LMNB1: variants seen among roughly 807,000 people sequenced by gnomAD.
LMNB1 encodes lamin-B1.
LMNB1 carries 23 observed loss-of-function variants against 67.1 expected under a neutral mutation model. That is an observed-to-expected ratio of 0.34 (90% CI 0.25 to 0.49). The LOEUF is 0.49. Among genes scored for constraint, LMNB1 ranks in the 20% least tolerant of loss-of-function variants. LMNB1 has a pLI of 0.99. For missense variants in LMNB1, 634 were observed against 746.5 expected, an observed-to-expected ratio of 0.85 and a Z score of 1.76; for synonymous variants, 281 against 282.9, an observed-to-expected ratio of 0.99 and a Z score of 0.07.
At chr5:126,832,873 G>C (rs377470766) in intron 10 of LMNB1, 72 bp downstream of exon 10, 1 of 854,700 alleles carries the variant, frequency 1.2e-6, no homozygotes, top group Non-Finnish European at 1.6e-6. Context: ...CAAGAGTGTG[G>C]TTGGGTTTTT....
intron 1 of LMNB1, among the ~76,000 whole-genome samples, chr5:126,778,701 A>G (rs1247355038): frequency 2.0e-5 from 3 of 152,122 alleles, no homozygotes; most frequent in Non-Finnish European, 4.4e-5. Flanking sequence ...CCCCTCAGGC[A>G]GCGGCCCTCT....
At chr5:126,820,484 G>A (rs1265650617) in intron 6 of LMNB1, among the ~76,000 whole-genome samples, 1 of 152,158 alleles carries the variant, frequency 6.6e-6, no homozygotes, top group Non-Finnish European at 1.5e-5. Context: ...CAGATTGTAA[G>A]TAATATTTTG....
intron 1 of LMNB1, among the ~76,000 whole-genome samples, chr5:126,778,653 A>G (rs1225330139): frequency 6.6e-6 from 1 of 152,122 alleles, no homozygotes; most frequent in Non-Finnish European, 1.5e-5. Context: ...GGGTTTGTGC[A>G]TGTCACGGCT....
intron 9 of LMNB1, among the ~76,000 whole-genome samples, chr5:126,829,618 A>G (rs541580761): frequency 7.2e-5 from 11 of 151,906 alleles, no homozygotes; most frequent in African/African-American, 2.4e-4. Context: ...AGAATGGACA[A>G]TCCAGCCCAC....
At chr5:126,815,706 T>C (rs1169230132) in intron 5 of LMNB1, among the ~76,000 whole-genome samples, 1 of 152,188 alleles carries the variant, frequency 6.6e-6, no homozygotes, top group African/African-American at 2.4e-5. Context: ...AGCTTGCTTA[T>C]AGCCTCATAG....
chr5:126,785,228 C>T (rs559374859), intron 1 of LMNB1, among the ~76,000 whole-genome samples: 2 of 151,604 alleles, frequency 1.3e-5, no homozygotes, highest in Admixed American at 6.6e-5. Context: ...CCTCGTGATC[C>T]GCCCGCCTTG....
intron 3 of LMNB1, among the ~76,000 whole-genome samples, chr5:126,805,980 G>C (rs1452097303): frequency 2.0e-5 from 3 of 152,102 alleles, no homozygotes; most frequent in Non-Finnish European, 4.4e-5. Context: ...TTTTGAGACG[G>C]AGTCTTGCTC....
chr5:126,780,945 T>A (rs1019360542), intron 1 of LMNB1, among the ~76,000 whole-genome samples: 6 of 152,202 alleles, frequency 3.9e-5, no homozygotes, highest in African/African-American at 1.4e-4. Context: ...CTTTCTTCCC[T>A]AGAGTTCTCT....
At chr5:126,799,451 C>G (rs1751208215) in intron 1 of LMNB1, among the ~76,000 whole-genome samples, 1 of 152,208 alleles carries the variant, frequency 6.6e-6, no homozygotes. Context: ...CCCTGAGCTC[C>G]CAGTGCAGGT....
upstream of LMNB1, chr5:126,777,121 C>T (rs913292671): frequency 6.0e-5 from 10 of 165,554 alleles, no homozygotes; most frequent in African/African-American, 1.9e-4. Flanking sequence ...CCCGGCCCTC[C>T]TCCCCCCGCC....
In LMNB1 at chr5:126,800,977, A is replaced by AATTTTTTTTTT. The variant is rs1481273764; in HGVS notation, c.360-3799_360-3798insATTTTTTTTTT. Among the ~76,000 whole-genome samples the AATTTTTTTTTT allele has an allele frequency of 4.9e-3, 187 of 38,204 alleles. 5 individuals are homozygous for AATTTTTTTTTT. The highest frequency in any genetic ancestry group is 0.037 in the Middle Eastern group (2 of 54). The allele number at this position is 38,204 out of a possible 152,430, so 25.1% of individuals were successfully genotyped here. A position where few individuals can be genotyped will look rare whatever the true frequency, so the allele number is the denominator to read the frequency against. On this transcript the variant is annotated intron_variant, in intron 1 of 10. Coordinates refer to ENST00000261366, the MANE Select transcript of LMNB1 (RefSeq NM_005573.4). ...TATATATATATATATATATATATAT[A>AATTTTTTTTTT]TATAATTTTTTTTTTTTTTTTTTGG... is the stretch of plus-strand genomic sequence containing the variant.
At chr5:126,812,727 T>C (rs1016544843) in intron 5 of LMNB1, among the ~76,000 whole-genome samples, 2 of 63,826 alleles carry the variant, frequency 3.1e-5, no homozygotes, top group East Asian at 7.6e-4. Flanking sequence ...ACTTTTTTTT[T>C]TTTTTTTTTT....
At chr5:126,798,356 A>AG (rs1751164479) in intron 1 of LMNB1, among the ~76,000 whole-genome samples, 2 of 150,502 alleles carry the variant, frequency 1.3e-5, no homozygotes, top group African/African-American at 4.9e-5. Context: ...AGGCTGAGGC[A>AG]GGTGAATGGC....
At chr5:126,814,288 G>C (rs1268644509) in intron 5 of LMNB1, among the ~76,000 whole-genome samples, 1 of 152,186 alleles carries the variant, frequency 6.6e-6, no homozygotes, top group Non-Finnish European at 1.5e-5. Flanking sequence ...TTTACTAATA[G>C]TAAGTTGTCT....
chr5:126,812,773 C>T (rs543849591), intron 5 of LMNB1, among the ~76,000 whole-genome samples: 1 of 147,142 alleles, frequency 6.8e-6, no homozygotes, highest in East Asian at 2.0e-4. Context: ...CTCTGTCGCC[C>T]AGGCTGGAGT....
At chr5:126,779,807 C>T (rs1176892060) in intron 1 of LMNB1, among the ~76,000 whole-genome samples, 5 of 151,930 alleles carry the variant, frequency 3.3e-5, no homozygotes, top group Non-Finnish European at 2.9e-5. Context: ...CCGAGGCGGG[C>T]GGATCACGAG....
intron 5 of LMNB1, 30 bp from the exon 6 acceptor site, chr5:126,818,892 G>T: frequency 6.6e-7 from 1 of 1,508,690 alleles, no homozygotes; most frequent in Non-Finnish European, 9.2e-7. Flanking sequence ...AATGTTCCTA[G>T]AAAGTAAATA....
chr5:126,819,503 T>TTTATTTAC (rs1376248962), intron 6 of LMNB1, among the ~76,000 whole-genome samples: 1 of 144,578 alleles, frequency 6.9e-6, no homozygotes. Context: ...TATTTATTTA[T>TTTATTTAC]TTTTGAGACA....
rs182221548 is a variant in LMNB1 at position 126,817,922 on chromosome 5, A to G, written c.940-1000A>G. On this transcript the variant is annotated intron_variant, in intron 5 of 10. Coordinates refer to ENST00000261366, the MANE Select transcript of LMNB1 (RefSeq NM_005573.4). ...GAGATGAATTCTGTCATGGAGAAAC[A>G]CAGAAGAATAATTACCCAGCGAGCC... Among the ~76,000 whole-genome samples the G allele has an allele frequency of 3.3e-3, 506 of 152,300 alleles. 2 individuals carry two copies. Among genetic ancestry groups the G allele is most frequent in the Admixed American group, 0.01 (156 of 15,294 alleles).
Sources: gnomAD v4.1 joint callset for allele counts (sites outside exome capture counted in the v4.1 genomes callset) on GRCh38, gnomAD v4.1.1 for gene constraint, MANE v1.5 for transcripts, NCBI Gene and HGNC (gene_info 2026-07-23, HGNC 2026-07-21) for gene names.